The following XYLT1 variants were observed in gnomAD, a reference collection of about 807,000 sequenced individuals.
XYLT1 encodes xylosyltransferase 1.
Under a neutral mutation model 91.3 loss-of-function variants are expected in XYLT1, and 36 were observed. That is an observed-to-expected ratio of 0.39 (90% CI 0.30 to 0.52). The LOEUF (loss-of-function observed/expected upper bound fraction) is 0.52, where lower values mean the gene tolerates loss of function less well. Ranked by LOEUF, XYLT1 falls within the 20% of genes least tolerant of loss-of-function variation. The pLI is 0.68. For missense variants in XYLT1, 1,242 were observed against 1,284.5 expected, an observed-to-expected ratio of 0.97 and a Z score of 0.51; for synonymous variants, 588 against 532.0, an observed-to-expected ratio of 1.11 and a Z score of -1.45.
At chr16:17,249,665 T>C (rs912837456) in intron 3 of XYLT1, 1 of 152,206 alleles carries the variant, frequency 6.6e-6, no homozygotes, top group African/African-American at 2.4e-5. Context: ...TTTGTTTGTT[T>C]GTTTGTTTGT....
At chr16:17,327,943 C>T (rs2141835786) in intron 2 of XYLT1, among the ~76,000 whole-genome samples, 1 of 152,178 alleles carries the variant, frequency 6.6e-6, no homozygotes, top group African/African-American at 2.4e-5. Flanking sequence ...CAGCCACACT[C>T]CTCTGCTTCA....
intron 2 of XYLT1, among the ~76,000 whole-genome samples, chr16:17,265,908 T>C (rs1285484104): frequency 6.6e-6 from 1 of 152,212 alleles, no homozygotes; most frequent in Non-Finnish European, 1.5e-5. Flanking sequence ...ACCTGGGTAC[T>C]AGTATTGCAT....
At chr16:17,460,461 G>A (rs1057296005) in intron 1 of XYLT1, among the ~76,000 whole-genome samples, 1 of 152,236 alleles carries the variant, frequency 6.6e-6, no homozygotes, top group Non-Finnish European at 1.5e-5. Context: ...GCCAGGGCAA[G>A]GCACAGGCAG....
chr16:17,146,627 G>T lies in XYLT1; in HGVS notation c.1371-5258C>A, dbSNP rs999428716. 2.6e-5 allele frequency among the ~76,000 whole-genome samples: 4 copies of T among 150,974 alleles called. No individual in the cohort carries two copies. In the East Asian group the frequency reaches 8.0e-4, roughly 30 times the overall value. ...CCTTTAAAATAAAAAAGCATTTCTG[G>T]TTGAATAAAACATCTCTCTAGGATG... On this transcript the variant is annotated intron_variant, in intron 6 of 11. Coordinates refer to ENST00000261381, the MANE Select transcript of XYLT1 (RefSeq NM_022166.4).
intron 2 of XYLT1, among the ~76,000 whole-genome samples, chr16:17,280,362 T>A (rs1045579125): frequency 6.6e-6 from 1 of 152,114 alleles, no homozygotes; most frequent in African/African-American, 2.4e-5. Flanking sequence ...AATAAATAAA[T>A]AAATAAAAAG....
At chr16:17,140,823 G>C (rs2030951035) in intron 7 of XYLT1, among the ~76,000 whole-genome samples, 1 of 152,144 alleles carries the variant, frequency 6.6e-6, no homozygotes, top group South Asian at 2.1e-4. Context: ...CTGGAAAATA[G>C]CCATAAGGTT....
intron 2 of XYLT1, among the ~76,000 whole-genome samples, chr16:17,302,257 T>C (rs1441238700): frequency 6.6e-6 from 1 of 152,036 alleles, no homozygotes; most frequent in Non-Finnish European, 1.5e-5. Context: ...AAAAAATACA[T>C]GTCGAGGTCA....
At position 17,105,470 on chromosome 16, in the gene XYLT1, C is replaced by CG. The variant is rs1305028208; in HGVS notation, c.*3224dup. On this transcript the variant is annotated 3_prime_UTR_variant, in exon 12 of 12. Coordinates refer to ENST00000261381, the MANE Select transcript of XYLT1 (RefSeq NM_022166.4). The stretch of plus-strand genomic sequence containing the variant: ...AGAAAGCAGCGCGCTTCTCACAACA[C>CG]GGGGACCTTGGGAATTGCTCACTGC... The CG allele has an allele frequency of 2.0e-5, 3 of 152,280 alleles. No homozygotes were observed. In the East Asian group the frequency reaches 5.8e-4, roughly 29 times the overall value. The allele number at this position is 152,280 out of a possible 1,614,324, so 9.4% of individuals were successfully genotyped here.
At chr16:17,260,353 T>G (rs2033704826) in intron 2 of XYLT1, among the ~76,000 whole-genome samples, 2 of 152,202 alleles carry the variant, frequency 1.3e-5, no homozygotes. Flanking sequence ...CTGCAACATG[T>G]TGCTTCTGCT....
chr16:17,356,240 T>C (rs1287836719), intron 2 of XYLT1, among the ~76,000 whole-genome samples: 1 of 152,146 alleles, frequency 6.6e-6, no homozygotes, highest in Non-Finnish European at 1.5e-5. Flanking sequence ...AAGTGAGTTA[T>C]GTTAAGGAAA....
chr16:17,347,744 C>T (rs911571268), intron 2 of XYLT1, among the ~76,000 whole-genome samples: 37 of 152,210 alleles, frequency 2.4e-4, no homozygotes, highest in Admixed American at 1.3e-3. Context: ...GGCGGGGGCC[C>T]GGTCAGGGTC....
At position 17,288,605 on chromosome 16, in the gene XYLT1, T is replaced by G. The variant is rs538235079; in HGVS notation, c.403-29107A>C. ...CCATACCTTGAATATGGGCAGGTCA[T>G]GCGACCTGCTTTGGCCAAAAGAAGG... On this transcript the variant is annotated intron_variant, in intron 2 of 11. Coordinates refer to ENST00000261381, the MANE Select transcript of XYLT1 (RefSeq NM_022166.4). 6.6e-5 allele frequency among the ~76,000 whole-genome samples: 10 copies of G among 152,314 alleles called. No homozygotes were observed. The South Asian group carries it at 2.1e-3, about 32-fold the overall frequency.
intron 1 of XYLT1, among the ~76,000 whole-genome samples, chr16:17,434,453 C>T (rs948564490): frequency 2.6e-5 from 4 of 152,238 alleles, no homozygotes; most frequent in African/African-American, 9.6e-5. Flanking sequence ...CATTACTTGT[C>T]ATTTCTGAAA....
chr16:17,289,862 C>T (rs544629755), intron 2 of XYLT1, among the ~76,000 whole-genome samples: 143 of 152,302 alleles, frequency 9.4e-4, no homozygotes, highest in African/African-American at 2.3e-3. Context: ...CCACACACCC[C>T]GTCTCTGGGG....
Position 17,108,446 on chromosome 16 carries a change from G to A in XYLT1, c.*249C>T, listed in dbSNP as rs765960852. 232 of 412,790 alleles carry A rather than the reference G, an allele frequency of 5.6e-4. 1 individual carries two copies. Among genetic ancestry groups the A allele is most frequent in the Middle Eastern group, 1.8e-3 (3 of 1,642 alleles). The allele number at this position is 412,790 out of a possible 1,614,324, so 25.6% of individuals were successfully genotyped here. A position where few individuals can be genotyped will look rare whatever the true frequency, so the allele number is the denominator to read the frequency against. ...AAGACAAGGAACCTGTAGGACTTGA[G>A]GATCAACCAGAAGAGGTGAGACAGT... is the stretch of plus-strand genomic sequence containing the variant. On this transcript the variant is annotated 3_prime_UTR_variant, in exon 12 of 12. Coordinates refer to ENST00000261381, the MANE Select transcript of XYLT1 (RefSeq NM_022166.4).
At chr16:17,187,879 C>CT (rs1407489622) in intron 5 of XYLT1, among the ~76,000 whole-genome samples, 1 of 152,112 alleles carries the variant, frequency 6.6e-6, no homozygotes, top group Non-Finnish European at 1.5e-5. Context: ...AATCCTCTGG[C>CT]TGCGCCCCTG....
At chr16:17,134,267 T>A (rs1352142815) in intron 9 of XYLT1, among the ~76,000 whole-genome samples, 12 of 152,174 alleles carry the variant, frequency 7.9e-5, no homozygotes, top group Admixed American at 7.9e-4. Context: ...ATATCTGGTA[T>A]CTGAGAAAGT....
intron 3 of XYLT1, among the ~76,000 whole-genome samples, chr16:17,251,724 C>T (rs533565031): frequency 2.0e-5 from 3 of 152,266 alleles, no homozygotes; most frequent in East Asian, 1.9e-4. Context: ...TCCTATGGGT[C>T]GCAGGTGAAA....
At position 17,108,523 on chromosome 16, in the gene XYLT1, T is replaced by C. The variant is rs187297438; in HGVS notation, c.*172A>G. The C allele has an allele frequency of 2.2e-4, 143 of 642,824 alleles. No individual in the cohort carries two copies. The highest frequency in any genetic ancestry group is 3.5e-5 in the Non-Finnish European group (14 of 398,572). 39.8% of individuals were successfully genotyped at this position (642,824 alleles called of 1,614,324 possible). A position where few individuals can be genotyped will look rare whatever the true frequency, so the allele number is the denominator to read the frequency against. ...CCCGCAGCTTGCCAAAGGCAGGTTGTTGGCTGATCCTGCTTTGACCTGCTG... is the reference window on the plus strand; with the variant it reads ...CCCGCAGCTTGCCAAAGGCAGGTTGCTGGCTGATCCTGCTTTGACCTGCTG... On this transcript the variant is annotated 3_prime_UTR_variant, in exon 12 of 12. Transcript: ENST00000261381.
Sources: gnomAD v4.1 joint callset for allele counts (sites outside exome capture counted in the v4.1 genomes callset) on GRCh38, gnomAD v4.1.1 for gene constraint, MANE v1.5 for transcripts, NCBI Gene and HGNC (gene_info 2026-07-23, HGNC 2026-07-21) for gene names.